The following CNTNAP3B variants were observed in gnomAD, a reference collection of about 807,000 sequenced individuals.
CNTNAP3B encodes contactin-associated protein-like 3B.
Under a neutral mutation model 108.9 loss-of-function variants are expected in CNTNAP3B, and 25 were observed. That is an observed-to-expected ratio of 0.23 (90% CI 0.17 to 0.32). CNTNAP3B has a LOEUF of 0.32. Among genes scored for constraint, CNTNAP3B ranks in the 10% least tolerant of loss-of-function variants. The pLI is 1.00. For missense variants in CNTNAP3B, 252 were observed against 1,210.4 expected (o/e 0.21, Z 11.75); for synonymous variants, 103 against 473.4 (o/e 0.22, Z 10.16).
At chr9:41,969,980 A>G (rs1825394704) in intron 10 of CNTNAP3B, 94 bp downstream of exon 10, 2 of 1,416,842 alleles carry the variant, frequency 1.4e-6, no homozygotes, top group African/African-American at 3.1e-5. Context: ...AACAACAACG[A>G]AAAAGAGAAC....
At chr9:41,993,672 A>G (rs1398567532) in intron 7 of CNTNAP3B, 5 of 99,242 alleles carry the variant, frequency 5.0e-5, no homozygotes, top group African/African-American at 1.9e-4. Context: ...ACAACAGAGA[A>G]GCAGGGCTTC....
At chr9:41,940,142 C>A (rs1824290244) in intron 13 of CNTNAP3B, among the ~76,000 whole-genome samples, 1 of 152,274 alleles carries the variant, frequency 6.6e-6, no homozygotes, top group Non-Finnish European at 1.5e-5. Flanking sequence ...ACAATATCAT[C>A]CGAATCTCAA....
intron 9 of CNTNAP3B, among the ~76,000 whole-genome samples, chr9:41,973,690 CA>C (rs1564164579): frequency 7.2e-6 from 1 of 138,676 alleles, no homozygotes; most frequent in African/African-American, 2.9e-5. Context: ...GGCATGAATG[CA>C]AAAAACTGCA....
At chr9:42,030,899 G>T (rs1329333691) in intron 3 of CNTNAP3B, among the ~76,000 whole-genome samples, 2 of 114,304 alleles carry the variant, frequency 1.7e-5, no homozygotes, top group Non-Finnish European at 3.6e-5. Context: ...GGACCACATA[G>T]GGTTCTCAGC....
At chr9:41,935,818 T>C (rs1824139853) in intron 14 of CNTNAP3B, among the ~76,000 whole-genome samples, 1 of 152,260 alleles carries the variant, frequency 6.6e-6, no homozygotes, top group African/African-American at 2.4e-5. Flanking sequence ...CTCTCCTGAA[T>C]TTTTTTCCAA....
chr9:42,029,320 A>C (rs1169374610), intron 3 of CNTNAP3B, among the ~76,000 whole-genome samples: 1 of 128,824 alleles, frequency 7.8e-6, no homozygotes, highest in African/African-American at 3.1e-5. Flanking sequence ...TACTGCGATA[A>C]ATGTGTTGCT....
At position 41,996,379 on chromosome 9, in the gene CNTNAP3B, G is replaced by A. The variant is rs1172220973; in HGVS notation, c.928-31C>T. 1.4e-6 allele frequency: 2 copies of A among 1,397,376 alleles called. 1 individual carries two copies. The highest frequency in any genetic ancestry group is 4.5e-5 in the Admixed American group (2 of 44,828). 86.6% of individuals were successfully genotyped at this position (1,397,376 alleles called of 1,614,324 possible). ...AAAGAAAAATGACATAAATAACATT[G>A]TTTAGTGATTTTCTGATGGTACGTG... On this transcript the variant is annotated intron_variant, in intron 6 of 23. Transcript: ENST00000377561.
chr9:41,974,095 T>C (rs1244325502), intron 9 of CNTNAP3B, among the ~76,000 whole-genome samples: 2 of 103,570 alleles, frequency 1.9e-5, no homozygotes, highest in Non-Finnish European at 3.9e-5. Flanking sequence ...TCCACCCACC[T>C]CAGCCTCTCA....
At chr9:41,957,659 A>G (rs1334328199) in intron 12 of CNTNAP3B, among the ~76,000 whole-genome samples, 1 of 151,422 alleles carries the variant, frequency 6.6e-6, no homozygotes, top group African/African-American at 2.4e-5. Context: ...TACTTTACCC[A>G]TTACAGCTTT....
chr9:42,075,654 C>T (rs1445949109), intron 3 of CNTNAP3B, among the ~76,000 whole-genome samples: 5 of 126,242 alleles, frequency 4.0e-5, no homozygotes, highest in South Asian at 2.6e-4. Flanking sequence ...CTGTCATTGA[C>T]GTATTTTTTT....
chr9:41,955,644 T>A (rs1824834534), intron 12 of CNTNAP3B, among the ~76,000 whole-genome samples: 1 of 152,410 alleles, frequency 6.6e-6, no homozygotes, highest in Admixed American at 6.5e-5. Flanking sequence ...GAATTGGACC[T>A]GAGTAGATTA....
In CNTNAP3B at chr9:42,110,736, C is replaced by T. The variant is rs575231730; in HGVS notation, c.86-5997G>A. On this transcript the variant is annotated intron_variant, in intron 1 of 23. Transcript: ENST00000377561. ...CGTCTGGATGTTCATCTGGATACGG[C>T]GCTATTCCATTCTTCCCATTTCATC... 2.9e-4 allele frequency among the ~76,000 whole-genome samples: 40 copies of T among 136,584 alleles called. 7 individuals are homozygous for T. In the East Asian group the frequency reaches 8.5e-3, roughly 29 times the overall value. 89.6% of individuals were successfully genotyped at this position (136,584 alleles called of 152,430 possible).
At chr9:42,101,798 T>C (rs1210603423) in intron 2 of CNTNAP3B, among the ~76,000 whole-genome samples, 1 of 126,902 alleles carries the variant, frequency 7.9e-6, no homozygotes, top group African/African-American at 3.2e-5. Flanking sequence ...GTCGGCCAGG[T>C]GTGGTGGCTC....
At chr9:42,106,997 T>C (rs1325915037) in intron 1 of CNTNAP3B, among the ~76,000 whole-genome samples, 1 of 92,164 alleles carries the variant, frequency 1.1e-5, no homozygotes, top group Non-Finnish European at 2.3e-5. Flanking sequence ...ATGATGCCTC[T>C]GTCCTGCAGT....
intron 16 of CNTNAP3B, 185 bp downstream of exon 16, chr9:41,923,738 A>T: frequency 4.3e-6 from 5 of 1,168,044 alleles, no homozygotes; most frequent in Non-Finnish European, 5.9e-6. Flanking sequence ...CTCCAGCATG[A>T]GTGACACAGC....
At chr9:41,983,267 C>T (rs1423135620) in intron 9 of CNTNAP3B, 1 of 126,460 alleles carries the variant, frequency 7.9e-6, no homozygotes, top group Non-Finnish European at 1.6e-5. Context: ...TATACATTGT[C>T]AAAGACTATA....
Position 42,042,327 on chromosome 9 carries a change from T to A in CNTNAP3B, c.391-28802A>T, listed in dbSNP as rs1280447843. ...CCTCTAGATATTAGAGAGTTGTCAA[T>A]TTTCGCTCTTATAAACAATGCTGCA... is the stretch of plus-strand genomic sequence containing the variant. On this transcript the variant is annotated intron_variant, in intron 3 of 23. Transcript: ENST00000377561. Among the ~76,000 whole-genome samples, 2 of 125,730 alleles carry A rather than the reference T, an allele frequency of 1.6e-5. 1 individual carries two copies. The highest frequency in any genetic ancestry group is 5.1e-4 in the South Asian group (2 of 3,900). 82.5% of individuals were successfully genotyped at this position (125,730 alleles called of 152,430 possible). A position where few individuals can be genotyped will look rare whatever the true frequency, so the allele number is the denominator to read the frequency against.
At chr9:41,923,793 C>G in intron 16 of CNTNAP3B, 130 bp downstream of exon 16, 1 of 1,446,328 alleles carries the variant, frequency 6.9e-7, no homozygotes, top group Non-Finnish European at 9.2e-7. Flanking sequence ...TACCTAAAAT[C>G]ATAGAAGTTT....
chr9:41,966,947 A>G (rs1825296941), intron 10 of CNTNAP3B, among the ~76,000 whole-genome samples: 1 of 150,406 alleles, frequency 6.6e-6, no homozygotes, highest in South Asian at 2.1e-4. Context: ...AGCCTGGGCG[A>G]TAGAGCGAGA....
Sources: gnomAD v4.1 joint callset for allele counts (sites outside exome capture counted in the v4.1 genomes callset) on GRCh38, gnomAD v4.1.1 for gene constraint, MANE v1.5 for transcripts, NCBI Gene and HGNC (gene_info 2026-07-23, HGNC 2026-07-21) for gene names.